PDGFD: variants seen among roughly 807,000 people sequenced by gnomAD.
The protein encoded by PDGFD is platelet derived growth factor D.
PDGFD carries 30 observed loss-of-function variants against 44.7 expected under a neutral mutation model. That is an observed-to-expected ratio of 0.67 (90% CI 0.50 to 0.91). The LOEUF (loss-of-function observed/expected upper bound fraction) is 0.91, where lower values mean the gene tolerates loss of function less well. PDGFD is among the 40% of genes least tolerant of loss of function. The pLI, the probability that PDGFD is intolerant of heterozygous loss-of-function variation, is 0.00. For missense variants in PDGFD, 445 were observed against 457.8 expected, an observed-to-expected ratio of 0.97 and a Z score of 0.25; for synonymous variants, 173 against 168.4, an observed-to-expected ratio of 1.03 and a Z score of -0.21.
intron 1 of PDGFD, among the ~76,000 whole-genome samples, chr11:104,007,606 C>T (rs1292590492): frequency 6.6e-6 from 1 of 152,162 alleles, no homozygotes; most frequent in Non-Finnish European, 1.5e-5. Flanking sequence ...CCCCATAAGA[C>T]AGCCAGGAAC....
chr11:103,951,598 A>T (rs182613528), intron 3 of PDGFD, among the ~76,000 whole-genome samples: 1 of 151,230 alleles, frequency 6.6e-6, no homozygotes, highest in African/African-American at 2.4e-5. Context: ...CACTACCTCC[A>T]CTCCTGCTAC....
At chr11:103,989,378 G>A (rs978592593) in intron 3 of PDGFD, among the ~76,000 whole-genome samples, 5 of 152,192 alleles carry the variant, frequency 3.3e-5, no homozygotes, top group African/African-American at 1.2e-4. Flanking sequence ...CCATGGAAGT[G>A]CCTTCATTTT....
At chr11:104,057,934 T>C (rs1860648168) in intron 1 of PDGFD, among the ~76,000 whole-genome samples, 1 of 152,174 alleles carries the variant, frequency 6.6e-6, no homozygotes, top group Admixed American at 6.5e-5. Context: ...TAGTTTTCAA[T>C]AAATTGTGCT....
intron 1 of PDGFD, among the ~76,000 whole-genome samples, chr11:104,054,995 T>C (rs1860598544): frequency 6.6e-6 from 1 of 152,234 alleles, no homozygotes; most frequent in East Asian, 1.9e-4. Flanking sequence ...ATTATGCAAG[T>C]AGCATCTGGC....
At chr11:104,109,873 C>T (rs762627924) in intron 1 of PDGFD, among the ~76,000 whole-genome samples, 1 of 152,046 alleles carries the variant, frequency 6.6e-6, no homozygotes, top group Non-Finnish European at 1.5e-5. Flanking sequence ...ATCCAGACTG[C>T]CTGGTATTCT....
chr11:104,079,835 T>A (rs1861018667), intron 1 of PDGFD, among the ~76,000 whole-genome samples: 1 of 152,172 alleles, frequency 6.6e-6, no homozygotes, highest in Non-Finnish European at 1.5e-5. Context: ...GAATTATTAA[T>A]GGTAAAGATA....
chr11:104,139,921 G>A lies in PDGFD; in HGVS notation c.124+23883C>T, dbSNP rs1366488106. The stretch of plus-strand genomic sequence containing the variant: ...AAAAAATACAAAAAATTAGCCGGGC[G>A]CGGTGGCGGGCGCCTGTAGTCCCAG... On this transcript the variant is annotated intron_variant, in intron 1 of 6. Transcript: ENST00000393158. Among the ~76,000 whole-genome samples, 2 of 72,242 alleles carry A rather than the reference G, an allele frequency of 2.8e-5. 1 individual carries two copies. The highest frequency in any genetic ancestry group is 5.0e-5 in the Non-Finnish European group (2 of 39,726). 47.4% of individuals were successfully genotyped at this position (72,242 alleles called of 152,430 possible). A position where few individuals can be genotyped will look rare whatever the true frequency, so the allele number is the denominator to read the frequency against.
At chr11:103,970,896 A>T (rs551374238) in intron 3 of PDGFD, among the ~76,000 whole-genome samples, 1 of 152,288 alleles carries the variant, frequency 6.6e-6, no homozygotes, top group East Asian at 1.9e-4. Flanking sequence ...GAATGGCCTC[A>T]CAATGGAAGC....
intron 3 of PDGFD, among the ~76,000 whole-genome samples, chr11:103,985,035 A>G (rs1859336050): frequency 8.5e-6 from 1 of 117,094 alleles, no homozygotes; most frequent in African/African-American, 3.6e-5. Flanking sequence ...TTTATTTGAT[A>G]TAGTTATATT....
intron 6 of PDGFD, among the ~76,000 whole-genome samples, chr11:103,924,288 C>G (rs1473025921): frequency 6.6e-6 from 1 of 152,226 alleles, no homozygotes; most frequent in Non-Finnish European, 1.5e-5. Flanking sequence ...GACCTTGTCA[C>G]TTCCTAGATT....
intron 5 of PDGFD, among the ~76,000 whole-genome samples, chr11:103,937,000 A>G (rs1220537053): frequency 6.6e-6 from 1 of 151,558 alleles, no homozygotes; most frequent in Non-Finnish European, 1.5e-5. Flanking sequence ...TAACTTTTGT[A>G]TTTTTTGTAG....
chr11:104,120,030 T>C (rs900030090), intron 1 of PDGFD, among the ~76,000 whole-genome samples: 112 of 146,474 alleles, frequency 7.6e-4, no homozygotes, highest in African/African-American at 2.7e-3. Context: ...TATATAAAAA[T>C]TCCTTCTGAG....
At chr11:104,074,123 C>T (rs1860918468) in intron 1 of PDGFD, among the ~76,000 whole-genome samples, 1 of 152,150 alleles carries the variant, frequency 6.6e-6, no homozygotes, top group South Asian at 2.1e-4. Context: ...TGGGGATAGT[C>T]TGCTTAGACG....
intron 1 of PDGFD, among the ~76,000 whole-genome samples, chr11:104,156,778 G>GA (rs1327964792): frequency 6.6e-6 from 1 of 152,170 alleles, no homozygotes; most frequent in Non-Finnish European, 1.5e-5. Flanking sequence ...TCTTGCTCTA[G>GA]AAAAAAGGCT....
At chr11:103,951,854 ATT>A (rs1350743457) in intron 3 of PDGFD, among the ~76,000 whole-genome samples, 2 of 152,174 alleles carry the variant, frequency 1.3e-5, no homozygotes, top group Non-Finnish European at 1.5e-5. Context: ...ATCTGAAATA[ATT>A]TTATGTTTGT....
chr11:103,969,919 TAAAG>T (rs920448515), intron 3 of PDGFD, among the ~76,000 whole-genome samples: 6 of 152,020 alleles, frequency 3.9e-5, no homozygotes, highest in Non-Finnish European at 7.4e-5. Flanking sequence ...TATTTAAAAA[TAAAG>T]ACTTAGAAAT....
intron 3 of PDGFD, among the ~76,000 whole-genome samples, chr11:103,962,490 A>T (rs1858952955): frequency 6.6e-6 from 1 of 152,148 alleles, no homozygotes; most frequent in Non-Finnish European, 1.5e-5. Flanking sequence ...TCATCAAAGG[A>T]TCTCTGAGTA....
intron 1 of PDGFD, among the ~76,000 whole-genome samples, chr11:104,022,511 C>A (rs1404487919): frequency 6.6e-6 from 1 of 152,012 alleles, no homozygotes; most frequent in Non-Finnish European, 1.5e-5. Context: ...ATAGATTTTA[C>A]CCCCCTCCAA....
intron 1 of PDGFD, among the ~76,000 whole-genome samples, chr11:104,159,170 A>AAG (rs1555060383): frequency 6.6e-6 from 1 of 151,756 alleles, no homozygotes; most frequent in Non-Finnish European, 1.5e-5. Flanking sequence ...AAAAAAAAAA[A>AAG]AAAACTATTT....
Sources: allele counts gnomAD v4.1 joint callset (sites outside exome capture counted in the v4.1 genomes callset), GRCh38; gene constraint gnomAD v4.1.1; transcripts MANE v1.5; gene names NCBI Gene and HGNC (gene_info 2026-07-23, HGNC 2026-07-21).